Variants in NR1H4 observed in about 807,000 individuals in gnomAD.
NR1H4 encodes bile acid receptor.
In NR1H4, 23 loss-of-function variants were observed where a neutral mutation model predicts 58.5. The observed-to-expected ratio is 0.39, with a 90% CI of 0.28 to 0.56. The LOEUF (loss-of-function observed/expected upper bound fraction) is 0.56, where lower values mean the gene tolerates loss of function less well. Ranked by LOEUF, NR1H4 falls within the 20% of genes least tolerant of loss-of-function variation. The pLI is 0.58. For synonymous variants in NR1H4, 214 were observed against 198.0 expected, an observed-to-expected ratio of 1.08 and a Z score of -0.68; for missense variants, 487 against 576.9, an observed-to-expected ratio of 0.84 and a Z score of 1.60.
At chr12:100,476,108 A>T (rs1014846837) in intron 1 of NR1H4, among the ~76,000 whole-genome samples, 1 of 152,170 alleles carries the variant, frequency 6.6e-6, no homozygotes, top group Non-Finnish European at 1.5e-5. Context: ...GTCCACAGGC[A>T]GATAGTTAGG....
intron 9 of NR1H4, among the ~76,000 whole-genome samples, chr12:100,549,293 G>A (rs983703572): frequency 2.6e-5 from 4 of 152,154 alleles, no homozygotes; most frequent in Non-Finnish European, 5.9e-5. Context: ...AGCACAGATA[G>A]TGCCACTGCA....
intron 4 of NR1H4, 37 bp downstream of exon 4, chr12:100,511,180 T>G: frequency 1.2e-6 from 2 of 1,613,914 alleles, no homozygotes; most frequent in Non-Finnish European, 1.7e-6. Context: ...TCCTTCAGGT[T>G]TTACTATATT....
chr12:100,502,966 A>G (rs1158138685), intron 3 of NR1H4, among the ~76,000 whole-genome samples: 1 of 152,194 alleles, frequency 6.6e-6, no homozygotes, highest in Non-Finnish European at 1.5e-5. Flanking sequence ...CGTGGGGATT[A>G]TGGGAGCTAC....
intron 3 of NR1H4, among the ~76,000 whole-genome samples, chr12:100,509,841 A>G (rs1345153020): frequency 6.6e-6 from 1 of 152,124 alleles, no homozygotes; most frequent in Non-Finnish European, 1.5e-5. Context: ...TAAAAATATC[A>G]CCTCTCACAG....
intron 9 of NR1H4, among the ~76,000 whole-genome samples, chr12:100,547,878 G>A (rs1289240096): frequency 6.6e-6 from 1 of 151,156 alleles, no homozygotes; most frequent in Non-Finnish European, 1.5e-5. Context: ...GTGCCCCCAT[G>A]CTTGGCTAAT....
intron 1 of NR1H4, among the ~76,000 whole-genome samples, chr12:100,491,582 GGTGAA>G (rs1160285052): frequency 6.6e-6 from 1 of 150,892 alleles, no homozygotes. Context: ...TTTCCTTTGG[GGTGAA>G]GTTCATGGTC....
At chr12:100,477,631 T>A (rs1487405702) in intron 1 of NR1H4, among the ~76,000 whole-genome samples, 1 of 152,238 alleles carries the variant, frequency 6.6e-6, no homozygotes, top group African/African-American at 2.4e-5. Context: ...ATAGTCCTGC[T>A]GTGGGATGTT....
At chr12:100,501,290 G>A (rs908433375) in intron 3 of NR1H4, among the ~76,000 whole-genome samples, 1 of 152,104 alleles carries the variant, frequency 6.6e-6, no homozygotes, top group African/African-American at 2.4e-5. Flanking sequence ...CTCAGGGAAA[G>A]GATAGCTCTG....
chr12:100,536,550 A>G lies in NR1H4; in HGVS notation c.771A>G (p.Leu257=). 1 of 1,610,142 alleles carries G rather than the reference A, an allele frequency of 6.2e-7. No homozygotes were observed. The highest frequency in any genetic ancestry group is 8.5e-7 in the Non-Finnish European group (1 of 1,176,582). ...TCACCCCAGATCAACAGACTCTTCT[A>G]CATTTTATTATGGATTCATATAACA... ...TELTPDQQTL[L]HFIMDSYNKQ... The change falls in exon 7 of 11, where the codon CTA becomes CTG. Residue 257 remains leucine (L), a synonymous_variant. Transcript: ENST00000392986.
At chr12:100,553,249 T>G (rs913264365) in intron 9 of NR1H4, among the ~76,000 whole-genome samples, 1 of 152,210 alleles carries the variant, frequency 6.6e-6, no homozygotes, top group South Asian at 2.1e-4. Context: ...CCGCCCGCCT[T>G]GGCCTCCCAA....
chr12:100,553,306 C>T (rs1955249084), intron 9 of NR1H4, among the ~76,000 whole-genome samples: 1 of 152,150 alleles, frequency 6.6e-6, no homozygotes, highest in Non-Finnish European at 1.5e-5. Context: ...CCGATTCCCA[C>T]TCTTATAAAA....
intron 9 of NR1H4, among the ~76,000 whole-genome samples, chr12:100,554,422 C>CA (rs1367306782): frequency 1.3e-5 from 2 of 150,366 alleles, no homozygotes; most frequent in Non-Finnish European, 3.0e-5. Flanking sequence ...CACACACACA[C>CA]ACCTGCTTCA....
rs753574734 is a variant in NR1H4, at chr12:100,537,093, A to G, written c.931+46A>G. On this transcript the variant is annotated intron_variant, in intron 8 of 10. Transcript: ENST00000392986. ...GTTAATATTTATTGAGAGTTTAAATATGTGCCCACAGATTAGATTACCTAT... is the reference window on the plus strand; with the variant it reads ...GTTAATATTTATTGAGAGTTTAAATGTGTGCCCACAGATTAGATTACCTAT... The G allele has an allele frequency of 7.0e-6, 8 of 1,137,986 alleles. 1 individual carries two copies. In the South Asian group the frequency reaches 1.0e-4, roughly 15 times the overall value. The allele number at this position is 1,137,986 out of a possible 1,614,324, so 70.5% of individuals were successfully genotyped here.
chr12:100,513,842 AAGGAAGGAAGGAAGGAAGGAAGGAAG>A (rs1954193288), intron 4 of NR1H4, among the ~76,000 whole-genome samples: 2 of 143,110 alleles, frequency 1.4e-5, no homozygotes, highest in South Asian at 5.1e-4. Context: ...GGAAGGAAGG[AAGGAAGGAAGGAAGGAAGGAAGGAAG>A]GAAAAAATAA....
At chr12:100,486,074 A>T (rs1430963056) in intron 1 of NR1H4, among the ~76,000 whole-genome samples, 1 of 151,914 alleles carries the variant, frequency 6.6e-6, no homozygotes, top group Non-Finnish European at 1.5e-5. Context: ...CGGCAACCCT[A>T]TTATTTCGAT....
chr12:100,554,190 C>T (rs557080013), intron 9 of NR1H4, among the ~76,000 whole-genome samples: 16 of 152,250 alleles, frequency 1.1e-4, no homozygotes, highest in African/African-American at 3.9e-4. Context: ...GCTTTGTGTG[C>T]CGTGTCAGGG....
At chr12:100,475,970 G>A (rs1953261066) in intron 1 of NR1H4, among the ~76,000 whole-genome samples, 2 of 152,092 alleles carry the variant, frequency 1.3e-5, no homozygotes, top group African/African-American at 4.8e-5. Context: ...TTGACCTCAG[G>A]TGATCCGCCC....
chr12:100,510,924 C>G lies in NR1H4; in HGVS notation c.226C>G (p.Gln76Glu), dbSNP rs761157294. Residue 76 changes from glutamine to glutamate, a missense_variant, in exon 4 of 11, where the codon CAG becomes GAG. Gln to Glu is a conservative substitution (Grantham distance 29). Coordinates refer to ENST00000392986, the MANE Select transcript of NR1H4 (RefSeq NM_001206979.2). ...TTCCAACCTGGGTTTCTACCCCCAG[C>G]AGCCTGAAGAGTGGTACTCTCCTGG... ...YYSNLGFYPQ[Q>E]PEEWYSPGIY... The G allele has an allele frequency of 6.2e-7, 1 of 1,614,210 alleles. No homozygotes were observed. Among genetic ancestry groups the G allele is most frequent in the Non-Finnish European group, 8.5e-7 (1 of 1,180,038 alleles).
intron 3 of NR1H4, among the ~76,000 whole-genome samples, chr12:100,498,366 C>G (rs146203353): frequency 1.3e-5 from 2 of 152,094 alleles, no homozygotes; most frequent in East Asian, 3.9e-4. Context: ...AGGCTGGGCG[C>G]GGGGGCTCAT....
Sources: gnomAD v4.1 joint callset for allele counts (sites outside exome capture counted in the v4.1 genomes callset) on GRCh38, gnomAD v4.1.1 for gene constraint, MANE v1.5 for transcripts, NCBI Gene and HGNC (gene_info 2026-07-23, HGNC 2026-07-21) for gene names.